Variants in EYA1 observed in about 807,000 individuals in gnomAD.
The protein encoded by EYA1 is EYA transcriptional coactivator and phosphatase 1, also known as protein phosphatase EYA1.
Under a neutral mutation model 82.0 loss-of-function variants are expected in EYA1, and 16 were observed. The observed-to-expected ratio is 0.20, with a 90% confidence interval of 0.13 to 0.30. The LOEUF is 0.30. EYA1 is among the 10% of genes least tolerant of loss of function. EYA1 has a pLI of 1.00. For missense variants in EYA1, 633 were observed against 730.7 expected, an observed-to-expected ratio of 0.87 and a Z score of 1.54; for synonymous variants, 261 against 264.4, an observed-to-expected ratio of 0.99 and a Z score of 0.12.
intron 2 of EYA1, among the ~76,000 whole-genome samples, chr8:71,449,449 A>G (rs746223203): frequency 6.6e-6 from 1 of 152,260 alleles, no homozygotes; most frequent in Non-Finnish European, 1.5e-5. Flanking sequence ...TTCAATGAAC[A>G]GTAATTTTTG....
intron 3 of EYA1, among the ~76,000 whole-genome samples, chr8:71,343,526 A>C (rs748018321): frequency 3.3e-4 from 51 of 152,308 alleles, no homozygotes; most frequent in Non-Finnish European, 6.5e-4. Context: ...AGGAACCTGA[A>C]CTAGCATGTT....
chr8:71,354,683 TTA>T (rs1024360598), intron 3 of EYA1, 97 bp downstream of exon 3: 1 of 1,214,994 alleles, frequency 8.2e-7, no homozygotes, highest in African/African-American at 1.5e-5. Context: ...AAGAGTAGTT[TTA>T]TGATTTTGAC....
chr8:71,210,346 A>G (rs1808347505), intron 17 of EYA1, among the ~76,000 whole-genome samples: 1 of 152,232 alleles, frequency 6.6e-6, no homozygotes, highest in Admixed American at 6.5e-5. Flanking sequence ...CCAAGGAGAC[A>G]CAACAGGAAG....
chr8:71,474,874 G>A (rs995314887), intron 2 of EYA1, among the ~76,000 whole-genome samples: 4 of 152,200 alleles, frequency 2.6e-5, no homozygotes, highest in African/African-American at 9.6e-5. Context: ...GCTCATGCCT[G>A]TAATCCCAGC....
At position 71,462,757 on chromosome 8, in the gene EYA1, G is replaced by A. The variant is rs547622385; in HGVS notation, c.33+72987C>T. ...GGAGCGGTAGAGGGTCCAGGCCTAG[G>A]GGCAGGTCCTGCCCAGGCATGTGAA... On this transcript the variant is annotated intron_variant, in intron 2 of 18. Transcript: ENST00000643681. Among the ~76,000 whole-genome samples, 5 of 152,290 alleles carry A rather than the reference G, an allele frequency of 3.3e-5. No homozygotes were observed. In the South Asian group the frequency reaches 8.3e-4, roughly 25 times the overall value.
At chr8:71,280,875 T>C (rs1300872763) in intron 9 of EYA1, among the ~76,000 whole-genome samples, 3 of 152,112 alleles carry the variant, frequency 2.0e-5, no homozygotes, top group Non-Finnish European at 4.4e-5. Flanking sequence ...TAGCCTCCCA[T>C]GTAGCTGAGT....
chr8:71,450,684 C>T (rs113427851), intron 2 of EYA1, among the ~76,000 whole-genome samples: 2 of 152,114 alleles, frequency 1.3e-5, no homozygotes, highest in Admixed American at 6.5e-5. Flanking sequence ...TGCCACAAAC[C>T]TTCTATTCAT....
At chr8:71,229,442 A>G (rs543890625) in intron 12 of EYA1, among the ~76,000 whole-genome samples, 1 of 152,290 alleles carries the variant, frequency 6.6e-6, no homozygotes, top group Admixed American at 6.5e-5. Flanking sequence ...ACTACCAGAT[A>G]AGAAACTCTT....
intron 11 of EYA1, among the ~76,000 whole-genome samples, chr8:71,259,882 G>A (rs1814891212): frequency 2.0e-5 from 3 of 152,232 alleles, no homozygotes; most frequent in South Asian, 4.1e-4. Context: ...ATGTAACTAT[G>A]TTTTAAAAGA....
intron 3 of EYA1, among the ~76,000 whole-genome samples, chr8:71,338,431 T>C (rs190946975): frequency 6.6e-6 from 1 of 152,324 alleles, no homozygotes; most frequent in East Asian, 1.9e-4. Flanking sequence ...TAGGGGAGGC[T>C]GGCCCATAAA....
chr8:71,287,169 T>TTA (rs1422810244), intron 9 of EYA1, among the ~76,000 whole-genome samples: 3 of 152,130 alleles, frequency 2.0e-5, no homozygotes, highest in Non-Finnish European at 4.4e-5. Flanking sequence ...ATAAATTACA[T>TTA]TATATTAGTT....
chr8:71,300,919 G>A (rs1312751013), intron 7 of EYA1, among the ~76,000 whole-genome samples: 1 of 152,032 alleles, frequency 6.6e-6, no homozygotes, highest in East Asian at 1.9e-4. Context: ...AAAATTCTAA[G>A]AAATGCTGTC....
At chr8:71,536,229 C>T (rs1309213589) in intron 1 of EYA1, among the ~76,000 whole-genome samples, 1 of 151,876 alleles carries the variant, frequency 6.6e-6, no homozygotes, top group Non-Finnish European at 1.5e-5. Context: ...TATCTATCAA[C>T]GTCAGCTGCA....
intron 9 of EYA1, 98 bp from the exon 10 acceptor site, chr8:71,271,995 G>C (rs1382798908): frequency 7.9e-7 from 1 of 1,269,374 alleles, no homozygotes; most frequent in East Asian, 2.3e-5. Flanking sequence ...CAATAGTAAA[G>C]CACATTTCAT....
intron 16 of EYA1, among the ~76,000 whole-genome samples, chr8:71,214,565 G>A (rs1465840919): frequency 6.6e-6 from 1 of 152,220 alleles, no homozygotes; most frequent in Non-Finnish European, 1.5e-5. Flanking sequence ...GATACAGCAA[G>A]GGGTCTGGAC....
intron 7 of EYA1, among the ~76,000 whole-genome samples, chr8:71,307,702 C>G (rs1213550900): frequency 6.6e-6 from 1 of 152,104 alleles, no homozygotes; most frequent in Non-Finnish European, 1.5e-5. Flanking sequence ...TAAAATCTCA[C>G]CTATTTGAGC....
intron 2 of EYA1, among the ~76,000 whole-genome samples, chr8:71,381,445 C>T (rs565475002): frequency 1.3e-4 from 20 of 152,054 alleles, no homozygotes; most frequent in Non-Finnish European, 2.4e-4. Context: ...GATGAAACGC[C>T]GGTGGAAGAA....
intron 11 of EYA1, among the ~76,000 whole-genome samples, chr8:71,263,522 G>T (rs1438245086): frequency 6.6e-6 from 1 of 152,098 alleles, no homozygotes; most frequent in East Asian, 1.9e-4. Flanking sequence ...TTCACGTGAG[G>T]GTCTGTGTTT....
intron 3 of EYA1, among the ~76,000 whole-genome samples, chr8:71,347,559 T>G (rs1454672365): frequency 2.6e-5 from 4 of 152,106 alleles, no homozygotes; most frequent in African/African-American, 9.7e-5. Flanking sequence ...CCTGACCTTG[T>G]GCTCTGCCCG....
Sources: allele counts gnomAD v4.1 joint callset (sites outside exome capture counted in the v4.1 genomes callset), GRCh38; gene constraint gnomAD v4.1.1; transcripts MANE v1.5; gene names NCBI Gene and HGNC (gene_info 2026-07-23, HGNC 2026-07-21).